ANO4: variants seen among roughly 807,000 people sequenced by gnomAD.
The protein encoded by ANO4 is anoctamin 4, also known as anoctamin-4.
Under a neutral mutation model 141.9 loss-of-function variants are expected in ANO4, and 69 were observed. The ratio of observed to expected loss-of-function variants is 0.49; its 90% CI spans 0.40 to 0.59. The LOEUF is 0.59. Ranked by LOEUF, ANO4 falls within the 20% of genes least tolerant of loss-of-function variation. ANO4 has a pLI of 0.00. For synonymous variants in ANO4, 350 were observed against 394.3 expected (o/e 0.89, Z 1.33); for missense variants, 894 against 1,162.2 (o/e 0.77, Z 3.36).
At chr12:101,006,360 A>C (rs1400177894) in intron 8 of ANO4, among the ~76,000 whole-genome samples, 1 of 152,066 alleles carries the variant, frequency 6.6e-6, no homozygotes. Flanking sequence ...TCTTATTAGG[A>C]TGTTGTGACA....
chr12:101,030,090 G>A (rs1488609155), intron 9 of ANO4, among the ~76,000 whole-genome samples: 1 of 151,936 alleles, frequency 6.6e-6, no homozygotes, highest in Non-Finnish European at 1.5e-5. Context: ...AAATTAACAA[G>A]GATATTCAGG....
At chr12:101,126,082 G>A (rs1376391752) in intron 26 of ANO4, among the ~76,000 whole-genome samples, 1 of 151,980 alleles carries the variant, frequency 6.6e-6, no homozygotes, top group Non-Finnish European at 1.5e-5. Context: ...TTAATATTTT[G>A]TTATTAACTA....
chr12:101,019,213 G>T (rs1593031192), intron 8 of ANO4, among the ~76,000 whole-genome samples: 1 of 152,082 alleles, frequency 6.6e-6, no homozygotes, highest in Admixed American at 6.5e-5. Context: ...ATTTATGAAG[G>T]AGTTACATAT....
chr12:101,060,550 A>C (rs757265575), intron 14 of ANO4, among the ~76,000 whole-genome samples: 4 of 152,168 alleles, frequency 2.6e-5, no homozygotes, highest in Non-Finnish European at 2.9e-5. Flanking sequence ...TTGCTTTATG[A>C]ATCTGGGTGC....
upstream of ANO4, among the ~76,000 whole-genome samples, chr12:100,792,450 C>A (rs189857360): frequency 2.0e-5 from 3 of 152,250 alleles, no homozygotes; most frequent in Admixed American, 2.0e-4. Context: ...AGTTCAACAC[C>A]AGTGAACAAG....
chr12:100,834,523 A>G (rs1253962460), intron 1 of ANO4, among the ~76,000 whole-genome samples: 1 of 151,672 alleles, frequency 6.6e-6, no homozygotes, highest in Non-Finnish European at 1.5e-5. Flanking sequence ...AAGTTTGTAT[A>G]TTCATGACAT....
intron 9 of ANO4, among the ~76,000 whole-genome samples, chr12:101,023,489 G>C (rs1185107178): frequency 6.6e-6 from 1 of 152,094 alleles, no homozygotes; most frequent in Middle Eastern, 3.2e-3. Context: ...TGAGCATAAT[G>C]GTGAAACCCC....
At chr12:100,831,378 A>G (rs1011281361) in intron 1 of ANO4, among the ~76,000 whole-genome samples, 1 of 152,086 alleles carries the variant, frequency 6.6e-6, no homozygotes, top group Non-Finnish European at 1.5e-5. Context: ...ATTCCAGGTT[A>G]ATTTCTTTTG....
intron 1 of ANO4, among the ~76,000 whole-genome samples, chr12:100,728,544 G>A (rs541214431): frequency 1.3e-5 from 2 of 152,286 alleles, no homozygotes; most frequent in African/African-American, 2.4e-5. Context: ...GTGACTTCCT[G>A]TGAGTGTGAC....
intron 25 of ANO4, among the ~76,000 whole-genome samples, chr12:101,119,879 G>A (rs2051010348): frequency 6.6e-6 from 1 of 152,082 alleles, no homozygotes; most frequent in Non-Finnish European, 1.5e-5. Context: ...ATAGTGCCTG[G>A]TCCCCAACAG....
intron 1 of ANO4, among the ~76,000 whole-genome samples, chr12:100,866,095 CAAGAG>C (rs1246684760): frequency 2.6e-5 from 4 of 152,082 alleles, no homozygotes; most frequent in East Asian, 1.9e-4. Flanking sequence ...GCAGGGTTGA[CAAGAG>C]AGGAGAGAGG....
intron 26 of ANO4, among the ~76,000 whole-genome samples, chr12:101,126,053 T>A (rs2051301051): frequency 6.6e-6 from 1 of 152,228 alleles, no homozygotes; most frequent in Admixed American, 6.5e-5. Context: ...GCTTTTCAAA[T>A]AGAATTTTCC....
chr12:101,084,960 T>G (rs1214783665), intron 16 of ANO4, among the ~76,000 whole-genome samples: 1 of 152,188 alleles, frequency 6.6e-6, no homozygotes, highest in African/African-American at 2.4e-5. Context: ...ATTGCCATCC[T>G]TGTCTGAATT....
chr12:100,974,816 G>A, intron 6 of ANO4, 29 bp from the exon 7 acceptor site: 5 of 1,612,974 alleles, frequency 3.1e-6, no homozygotes, highest in Non-Finnish European at 4.2e-6. Flanking sequence ...TTTTCTTCTC[G>A]ACTGGCTTCA....
At chr12:101,091,751 ACT>A (rs2049786272) in intron 17 of ANO4, among the ~76,000 whole-genome samples, 1 of 151,820 alleles carries the variant, frequency 6.6e-6, no homozygotes, top group Non-Finnish European at 1.5e-5. Context: ...TAGATTAAAG[ACT>A]CTGATTTTTT....
intron 8 of ANO4, among the ~76,000 whole-genome samples, chr12:100,989,766 G>T (rs1292179129): frequency 6.6e-6 from 1 of 151,156 alleles, no homozygotes; most frequent in East Asian, 1.9e-4. Flanking sequence ...TGGATGGATG[G>T]ATGGATGGAT....
intron 1 of ANO4, among the ~76,000 whole-genome samples, chr12:100,817,399 A>G (rs1376768983): frequency 6.6e-6 from 1 of 151,876 alleles, no homozygotes; most frequent in African/African-American, 2.4e-5. Flanking sequence ...GGGTTTGGAC[A>G]TGATTTGAGA....
intron 3 of ANO4, among the ~76,000 whole-genome samples, chr12:100,750,400 T>C (rs147847474): frequency 1.7e-3 from 259 of 152,006 alleles, no homozygotes; most frequent in African/African-American, 5.7e-3. Context: ...TGCCTCGGCT[T>C]CTCAAAGTGC....
chr12:100,727,397 C>A (rs1025531150), intron 1 of ANO4, among the ~76,000 whole-genome samples: 4 of 152,170 alleles, frequency 2.6e-5, no homozygotes, highest in Non-Finnish European at 4.4e-5. Flanking sequence ...GATAATTGAA[C>A]CCTGAACCTT....
Sources: gnomAD v4.1 joint callset for allele counts (sites outside exome capture counted in the v4.1 genomes callset) on GRCh38, gnomAD v4.1.1 for gene constraint, MANE v1.5 for transcripts, NCBI Gene and HGNC (gene_info 2026-07-23, HGNC 2026-07-21) for gene names.